ITSN1: variants seen among roughly 807,000 people sequenced by gnomAD.
ITSN1 encodes intersectin-1.
In ITSN1, 58 loss-of-function variants were observed where a neutral mutation model predicts 239.8. That is an observed-to-expected ratio of 0.24 (90% confidence interval 0.20 to 0.30). The LOEUF (loss-of-function observed/expected upper bound fraction) is 0.30, where lower values mean the gene tolerates loss of function less well. Ranked by LOEUF, ITSN1 falls within the 10% of genes least tolerant of loss-of-function variation. The probability of loss-of-function intolerance (pLI) is 1.00; values close to 1 mark genes in which losing one functional copy is unlikely to be tolerated. For missense variants in ITSN1, 1,558 were observed against 2,103.3 expected, an observed-to-expected ratio of 0.74 and a Z score of 5.07; for synonymous variants, 780 against 770.8, an observed-to-expected ratio of 1.01 and a Z score of -0.20.
At chr21:33,881,672 T>C (rs2148554871) in intron 34 of ITSN1, among the ~76,000 whole-genome samples, 1 of 152,116 alleles carries the variant, frequency 6.6e-6, no homozygotes, top group East Asian at 1.9e-4. Flanking sequence ...TGCTGCCCCA[T>C]TTCCCCAGTA....
At chr21:33,876,288 TTC>T (rs1403867473) in intron 34 of ITSN1, among the ~76,000 whole-genome samples, 2 of 142,368 alleles carry the variant, frequency 1.4e-5, no homozygotes, top group African/African-American at 5.4e-5. Flanking sequence ...CTTTCTTTCC[TTC>T]TCTCTCTCTT....
chr21:33,762,531 C>G (rs921802287), intron 9 of ITSN1, among the ~76,000 whole-genome samples: 3 of 152,192 alleles, frequency 2.0e-5, no homozygotes, highest in Admixed American at 1.3e-4. Context: ...TCCCAAAGTG[C>G]TGGAATTACA....
intron 16 of ITSN1, among the ~76,000 whole-genome samples, chr21:33,791,865 A>G (rs1340201264): frequency 6.6e-6 from 1 of 152,130 alleles, no homozygotes; most frequent in African/African-American, 2.4e-5. Context: ...ACTTTTCTTT[A>G]TTTAATATAT....
chr21:33,741,881 C>T (rs1458615134), intron 5 of ITSN1, among the ~76,000 whole-genome samples: 20 of 99,752 alleles, frequency 2.0e-4, no homozygotes, highest in African/African-American at 7.6e-4. Context: ...GGCGACAGAG[C>T]GAGATTCCGT....
At chr21:33,719,374 GAGGT>G (rs1232558435) in intron 2 of ITSN1, among the ~76,000 whole-genome samples, 1 of 152,206 alleles carries the variant, frequency 6.6e-6, no homozygotes, top group Non-Finnish European at 1.5e-5. Context: ...CCGGGAGGCG[GAGGT>G]TGCAGTGAGC....
At chr21:33,859,603 T>TC (rs35126685) in intron 31 of ITSN1, among the ~76,000 whole-genome samples, 95,465 of 152,038 alleles carry the variant, frequency 0.63, 31,606 homozygotes, top group East Asian at 0.91. Context: ...GAGGGCAGGC[T>TC]CCAGAGCCTT....
Position 33,782,145 on chromosome 21 carries a change from A to T in ITSN1, c.1824+12A>T. On this transcript the variant is annotated intron_variant, in intron 16 of 39. Transcript: ENST00000381318. Reference sequence around the variant, plus strand: ...ATAATCAGCTGAAGGTAACTCTTCTATGTGTGCCTGCATGTGTGTCCTACC... The same window carrying T: ...ATAATCAGCTGAAGGTAACTCTTCTTTGTGTGCCTGCATGTGTGTCCTACC... 6.2e-7 allele frequency: 1 copy of T among 1,612,568 alleles called. No individual in the cohort carries two copies. The highest frequency in any genetic ancestry group is 8.5e-7 in the Non-Finnish European group (1 of 1,179,148).
intron 16 of ITSN1, among the ~76,000 whole-genome samples, chr21:33,782,843 G>A (rs948649022): frequency 1.3e-5 from 2 of 151,912 alleles, no homozygotes; most frequent in Non-Finnish European, 2.9e-5. Context: ...GGCTAACACG[G>A]TGAAACCCCG....
Position 33,722,746 on chromosome 21 carries a change from A to T in ITSN1, c.185+95A>T, listed in dbSNP as rs890122419. On this transcript the variant is annotated intron_variant, in intron 4 of 39. Coordinates refer to ENST00000381318, the MANE Select transcript of ITSN1 (RefSeq NM_003024.3). Reference sequence around the variant, plus strand: ...GGTAATATGATTTCTTATGTTATAAAAGGAGAACATGTATCTCTAGCCTGA... The same window carrying T: ...GGTAATATGATTTCTTATGTTATAATAGGAGAACATGTATCTCTAGCCTGA... The T allele has an allele frequency of 7.5e-6, 9 of 1,198,166 alleles. No homozygotes were observed. In the East Asian group the frequency reaches 2.5e-4, roughly 33 times the overall value. 74.2% of individuals were successfully genotyped at this position (1,198,166 alleles called of 1,614,324 possible). A position where few individuals can be genotyped will look rare whatever the true frequency, so the allele number is the denominator to read the frequency against.
chr21:33,687,817 C>CT (rs1568939376), intron 1 of ITSN1, among the ~76,000 whole-genome samples: 1 of 152,202 alleles, frequency 6.6e-6, no homozygotes, highest in East Asian at 1.9e-4. Flanking sequence ...AAGTAACATA[C>CT]TTTGAGACTG....
At chr21:33,801,579 C>T (rs1431715748) in intron 19 of ITSN1, among the ~76,000 whole-genome samples, 1 of 152,186 alleles carries the variant, frequency 6.6e-6, no homozygotes, top group Non-Finnish European at 1.5e-5. Flanking sequence ...CCTCCTGCCT[C>T]AGCCTCCTGA....
intron 1 of ITSN1, among the ~76,000 whole-genome samples, chr21:33,670,545 T>C (rs1165876524): frequency 1.3e-5 from 2 of 152,146 alleles, no homozygotes; most frequent in Non-Finnish European, 2.9e-5. Context: ...CGTTCACTTA[T>C]GTGTTGCAGA....
At chr21:33,881,949 A>G (rs1286797333) in intron 34 of ITSN1, among the ~76,000 whole-genome samples, 1 of 150,566 alleles carries the variant, frequency 6.6e-6, no homozygotes, top group Non-Finnish European at 1.5e-5. Flanking sequence ...CTGTCTCAAA[A>G]AAAAAAAAAA....
At chr21:33,729,994 A>G (rs551834370) in intron 4 of ITSN1, among the ~76,000 whole-genome samples, 1 of 152,324 alleles carries the variant, frequency 6.6e-6, no homozygotes, top group East Asian at 1.9e-4. Context: ...CAGAGGACAT[A>G]TAAAGTACTA....
intron 29 of ITSN1, among the ~76,000 whole-genome samples, chr21:33,850,097 A>G (rs1414628578): frequency 3.3e-5 from 5 of 152,214 alleles, no homozygotes; most frequent in East Asian, 3.9e-4. Flanking sequence ...TGAAATGTGC[A>G]TATTTATGGA....
chr21:33,753,085 A>AG (rs779695934), intron 7 of ITSN1, among the ~76,000 whole-genome samples: 6 of 152,212 alleles, frequency 3.9e-5, no homozygotes, highest in Non-Finnish European at 7.3e-5. Context: ...ACAAGCTCAG[A>AG]GACATTATGT....
In ITSN1 at chr21:33,812,287, T is replaced by C. The variant is rs2072967940; in HGVS notation, c.2567+1065T>C. Among the ~76,000 whole-genome samples the C allele has an allele frequency of 2.6e-5, 4 of 152,346 alleles. No homozygotes were observed. The South Asian group carries it at 8.3e-4, about 32-fold the overall frequency. ...GACTAATACCATATTTTCCAGGATT[T>C]GTTTTGCTGGGGATCAAATCAGTAT... On this transcript the variant is annotated intron_variant, in intron 21 of 39. Coordinates refer to ENST00000381318, the MANE Select transcript of ITSN1 (RefSeq NM_003024.3).
intron 22 of ITSN1, chr21:33,817,390 C>CT (rs1285182418): frequency 7.7e-7 from 1 of 1,304,434 alleles, no homozygotes; most frequent in Admixed American, 2.3e-5. Context: ...CTGTCAAAGT[C>CT]CTTCTCATCC....
At chr21:33,732,087 G>T (rs1272766596) in intron 4 of ITSN1, among the ~76,000 whole-genome samples, 1 of 152,188 alleles carries the variant, frequency 6.6e-6, no homozygotes, top group East Asian at 1.9e-4. Flanking sequence ...GCATTTCATT[G>T]AAAGAGTTAT....
Sources: allele counts gnomAD v4.1 joint callset (sites outside exome capture counted in the v4.1 genomes callset), GRCh38; gene constraint gnomAD v4.1.1; transcripts MANE v1.5; gene names NCBI Gene and HGNC (gene_info 2026-07-23, HGNC 2026-07-21).